The following SLC43A1 variants were observed in gnomAD, a reference collection of about 807,000 sequenced individuals.
SLC43A1 encodes large neutral amino acids transporter small subunit 3.
SLC43A1 carries 31 observed loss-of-function variants against 59.5 expected under a neutral mutation model. The ratio of observed to expected loss-of-function variants is 0.52; its 90% CI spans 0.39 to 0.70. The LOEUF (loss-of-function observed/expected upper bound fraction) is 0.70, where lower values mean the gene tolerates loss of function less well. SLC43A1 is among the 30% of genes least tolerant of loss of function. The probability of loss-of-function intolerance (pLI) is 0.00; values close to 1 mark genes in which losing one functional copy is unlikely to be tolerated. For synonymous variants in SLC43A1, 259 were observed against 290.9 expected, an observed-to-expected ratio of 0.89 and a Z score of 1.12; for missense variants, 598 against 717.8, an observed-to-expected ratio of 0.83 and a Z score of 1.91.
chr11:57,508,690 A>G (rs11229045), intron 2 of SLC43A1, among the ~76,000 whole-genome samples: 7,148 of 152,270 alleles, frequency 0.047, 557 homozygotes, highest in African/African-American at 0.16. Flanking sequence ...GCTACTCAGG[A>G]GGCTGAGGTG....
intron 7 of SLC43A1, among the ~76,000 whole-genome samples, chr11:57,495,590 G>T (rs1162796027): frequency 1.3e-5 from 2 of 152,048 alleles, no homozygotes; most frequent in Non-Finnish European, 2.9e-5. Context: ...CTTTGGAAGG[G>T]CAAGGGGGGA....
chr11:57,513,171 C>T (rs1319876621), intron 2 of SLC43A1, among the ~76,000 whole-genome samples: 1 of 152,206 alleles, frequency 6.6e-6, no homozygotes, highest in East Asian at 1.9e-4. Flanking sequence ...GATTCAAATC[C>T]AAGCTAAACT....
At position 57,488,792 on chromosome 11, in the gene SLC43A1, C is replaced by T. The variant is rs761316510; in HGVS notation, c.1409+124G>A. 4.9e-6 allele frequency: 4 copies of T among 812,072 alleles called. No homozygotes were observed. The Admixed American group carries it at 5.7e-5, about 12-fold the overall frequency. The allele number at this position is 812,072 out of a possible 1,614,324, so 50.3% of individuals were successfully genotyped here. ...GGCTGCCTTTAAGGAAGTGAGCTCC[C>T]TGCCATCAGAGGGTCTCAGAGAGAG... On this transcript the variant is annotated intron_variant, in intron 13 of 14. Coordinates refer to ENST00000278426, the MANE Select transcript of SLC43A1 (RefSeq NM_003627.6).
rs951972809 is a variant in SLC43A1 at position 57,497,750 on chromosome 11, T to C, written c.558+3A>G. 2 of 1,612,384 alleles carry C rather than the reference T, an allele frequency of 1.2e-6. No individual in the cohort carries two copies. Among genetic ancestry groups the C allele is most frequent in the Non-Finnish European group, 1.7e-6 (2 of 1,178,786 alleles). On this transcript the variant is annotated splice_donor_region_variant and intron_variant, in intron 6 of 14. Transcript: ENST00000278426. ...CAAAAAGAAAACCCAGGTGGCCTCA[T>C]ACCTTGATTCCTGGGAACGTAATGG...
Position 57,484,803 on chromosome 11 carries a change from G to A in SLC43A1, c.*293C>T, listed in dbSNP as rs1019838663. The A allele has an allele frequency of 3.1e-5, 9 of 294,252 alleles. No individual in the cohort carries two copies. The highest frequency in any genetic ancestry group is 2.2e-4 in the East Asian group (3 of 13,780). 18.2% of individuals were successfully genotyped at this position (294,252 alleles called of 1,614,324 possible). ...CCCAAGAGGTACCAGGAGGCAGACC[G>A]CTAGAAGGAGATAAGAGGCACCCTG... On this transcript the variant is annotated 3_prime_UTR_variant, in exon 15 of 15. Transcript: ENST00000278426.
intron 2 of SLC43A1, among the ~76,000 whole-genome samples, chr11:57,509,576 A>G (rs968545953): frequency 6.7e-6 from 1 of 149,992 alleles, no homozygotes. Flanking sequence ...TGACAGAGCA[A>G]GATTCCGTCA....
At chr11:57,493,067 A>G (rs144843884) in intron 8 of SLC43A1, among the ~76,000 whole-genome samples, 51 of 152,232 alleles carry the variant, frequency 3.4e-4, no homozygotes, top group African/African-American at 1.1e-3. Flanking sequence ...AACAAAAGAA[A>G]AAAACTCTGA....
At position 57,487,230 on chromosome 11, in the gene SLC43A1, A is replaced by G; in HGVS notation, c.1410-12T>C. 6.2e-7 allele frequency: 1 copy of G among 1,610,634 alleles called. No individual in the cohort carries two copies. Among genetic ancestry groups the G allele is most frequent in the Non-Finnish European group, 8.5e-7 (1 of 1,177,580 alleles). On this transcript the variant is annotated splice_polypyrimidine_tract_variant and intron_variant, in intron 13 of 14. Coordinates refer to ENST00000278426, the MANE Select transcript of SLC43A1 (RefSeq NM_003627.6). ...GGTTGGATGGGAACCTGTCCACGAG[A>G]CGGGGAGTATCAGGGGTGTGTGGCC...
At chr11:57,486,142 C>T (rs1943720219) in intron 14 of SLC43A1, among the ~76,000 whole-genome samples, 1 of 152,216 alleles carries the variant, frequency 6.6e-6, no homozygotes, top group Admixed American at 6.5e-5. Context: ...GAACACAGGC[C>T]CAAGAGTCAG....
chr11:57,506,856 G>A (rs1944406574), intron 2 of SLC43A1, among the ~76,000 whole-genome samples: 1 of 152,202 alleles, frequency 6.6e-6, no homozygotes, highest in African/African-American at 2.4e-5. Flanking sequence ...AATGCCTAAA[G>A]AACTTTAGCA....
At position 57,508,358 on chromosome 11, in the gene SLC43A1, T is replaced by C. The variant is rs186130118; in HGVS notation, c.154+5600A>G. Among the ~76,000 whole-genome samples, 110 of 152,236 alleles carry C rather than the reference T, an allele frequency of 7.2e-4. 1 individual carries two copies. In the South Asian group the frequency reaches 0.021, roughly 29 times the overall value. On this transcript the variant is annotated intron_variant, in intron 2 of 14. Coordinates refer to ENST00000278426, the MANE Select transcript of SLC43A1 (RefSeq NM_003627.6). Reference sequence around the variant, plus strand: ...CACATAGCGGAGTTGGAAGTCTGCCTCTTTCCACACACTATGGCAACACAG... The same window carrying C: ...CACATAGCGGAGTTGGAAGTCTGCCCCTTTCCACACACTATGGCAACACAG...
rs1271869649 is a variant in SLC43A1 at position 57,514,759 on chromosome 11, C to T, written c.-13-635G>A. The T allele has an allele frequency of 5.3e-6, 5 of 949,508 alleles. No individual in the cohort carries two copies. The highest frequency in any genetic ancestry group is 6.3e-6 in the Non-Finnish European group (5 of 797,198). 58.8% of individuals were successfully genotyped at this position (949,508 alleles called of 1,614,324 possible). A position where few individuals can be genotyped will look rare whatever the true frequency, so the allele number is the denominator to read the frequency against. On this transcript the variant is annotated intron_variant, in intron 1 of 14. Coordinates refer to ENST00000278426, the MANE Select transcript of SLC43A1 (RefSeq NM_003627.6). This position sits in a 1 kb window ranked among gnomAD's most constrained non-coding sequence, Gnocchi z 5.5. Reference sequence around the variant, plus strand: ...GACGGGCTCTCCTCGGTTCCCTCCTCCCCCGCGCGCCCCTCACTCACTCCG... The same window carrying T: ...GACGGGCTCTCCTCGGTTCCCTCCTTCCCCGCGCGCCCCTCACTCACTCCG...
Position 57,490,309 on chromosome 11 carries a change from T to TAAA in SLC43A1, c.1193+912_1193+914dup, listed in dbSNP as rs1554980954. On this transcript the variant is annotated intron_variant, in intron 11 of 14. Transcript: ENST00000278426. ...GGGCGACAGAGCAAGACTGTCTCAA[T>TAAA]AAAAAAAAAAAAAAAAACCCTCAAT... 6.4e-5 allele frequency among the ~76,000 whole-genome samples: 5 copies of TAAA among 78,688 alleles called. 1 individual carries two copies. The East Asian group carries it at 1.0e-3, about 16-fold the overall frequency. The allele number at this position is 78,688 out of a possible 152,430, so 51.6% of individuals were successfully genotyped here.
At chr11:57,489,144 C>A in intron 12 of SLC43A1, 107 bp downstream of exon 12, 1 of 1,481,426 alleles carries the variant, frequency 6.8e-7, no homozygotes. Context: ...AAAATAGATC[C>A]AGATCAGAAG....
rs147862003 is a variant in SLC43A1 at position 57,497,785 on chromosome 11, C to T, written c.526G>A (p.Ala176Thr). The T allele has an allele frequency of 8.1e-6, 13 of 1,613,512 alleles. No individual in the cohort carries two copies. The highest frequency in any genetic ancestry group is 1.7e-5 in the Admixed American group (1 of 59,980). The change falls in exon 6 of 15, where the codon GCC (alanine) becomes ACC (threonine). Residue 176 changes from alanine to threonine, a missense_variant. By Grantham distance (58) the Ala-to-Thr change is moderately conservative. Coordinates refer to ENST00000278426, the MANE Select transcript of SLC43A1 (RefSeq NM_003627.6). ...TLMALMIGSY[A>T]SSAITFPGIK... ...CCTGGGAACGTAATGGCAGAAGAGG[C>T]GTAAGAGCCAATCATGAGGGCCATT...
At chr11:57,502,503 C>T (rs192530245) in intron 2 of SLC43A1, among the ~76,000 whole-genome samples, 70 of 152,250 alleles carry the variant, frequency 4.6e-4, no homozygotes, top group African/African-American at 1.6e-3. Flanking sequence ...GTGGTAAGCA[C>T]GTACTCTAGG....
chr11:57,510,763 G>T (rs563836710), intron 2 of SLC43A1, among the ~76,000 whole-genome samples: 2 of 151,420 alleles, frequency 1.3e-5, no homozygotes, highest in Non-Finnish European at 2.9e-5. Flanking sequence ...GAGGCCGAGG[G>T]GGGTGGATCA....
intron 2 of SLC43A1, among the ~76,000 whole-genome samples, chr11:57,512,246 T>C (rs924613036): frequency 6.6e-6 from 1 of 152,048 alleles, no homozygotes; most frequent in Non-Finnish European, 1.5e-5. Context: ...TTCAAGAAAG[T>C]TGATTTTAAA....
intron 3 of SLC43A1, 23 bp from the exon 4 acceptor site, chr11:57,501,066 G>A (rs766619951): frequency 1.2e-5 from 19 of 1,606,448 alleles, no homozygotes; most frequent in East Asian, 9.0e-5. Context: ...AGGGAAGGGC[G>A]AGGGGTTGGC....
Sources: allele counts gnomAD v4.1 joint callset (sites outside exome capture counted in the v4.1 genomes callset), GRCh38; gene constraint gnomAD v4.1.1; non-coding constraint Gnocchi (gnomAD v3.1); transcripts MANE v1.5; gene names NCBI Gene and HGNC (gene_info 2026-07-23, HGNC 2026-07-21).